The following RBPJ variants were observed in gnomAD, a reference collection of about 807,000 sequenced individuals.
RBPJ encodes recombination signal binding protein for immunoglobulin kappa J region.
A neutral mutation model predicts 67.8 loss-of-function variants in RBPJ; 9 were observed. The observed-to-expected ratio is 0.13, with a 90% CI of 0.08 to 0.23. The LOEUF (loss-of-function observed/expected upper bound fraction) is 0.23. RBPJ is among the 10% of genes least tolerant of loss of function. The pLI, the probability that RBPJ is intolerant of heterozygous loss-of-function variation, is 1.00. For synonymous variants in RBPJ, 198 were observed against 203.3 expected (o/e 0.97, Z 0.22); for missense variants, 305 against 595.6 (o/e 0.51, Z 5.08).
chr4:26,292,511 C>T (rs1238069749), intron 1 of RBPJ, among the ~76,000 whole-genome samples: 1 of 150,296 alleles, frequency 6.7e-6, no homozygotes, highest in Non-Finnish European at 1.5e-5. Flanking sequence ...ACCTCTGCCT[C>T]CCGGGTTCAA....
rs191906888 is a variant in RBPJ at position 26,424,255 on chromosome 4, A to T, written c.497-87A>T. On this transcript the variant is annotated intron_variant, in intron 5 of 10. Transcript: ENST00000355476. This position sits in a 1 kb window ranked among gnomAD's most constrained non-coding sequence, Gnocchi z 5.3. ...TGTTAAATGATAAGAAAGAATAATT[A>T]TACACTGCCAAGCAGAATTTCCTTC... The T allele has an allele frequency of 2.4e-4, 302 of 1,245,042 alleles. No individual in the cohort carries two copies. The highest frequency in any genetic ancestry group is 9.0e-4 in the Admixed American group (47 of 52,454). The allele number at this position is 1,245,042 out of a possible 1,614,324, so 77.1% of individuals were successfully genotyped here.
chr4:26,204,700 T>C (rs1419725818), intron 1 of RBPJ, among the ~76,000 whole-genome samples: 1 of 152,208 alleles, frequency 6.6e-6, no homozygotes, highest in African/African-American at 2.4e-5. Flanking sequence ...AGCTATGAGA[T>C]GTCTGGCCTC....
At chr4:26,325,249 C>T (rs944660321) in intron 1 of RBPJ, among the ~76,000 whole-genome samples, 14 of 152,200 alleles carry the variant, frequency 9.2e-5, no homozygotes, top group African/African-American at 2.4e-4. Context: ...TGTCATTTCT[C>T]ACCTGGTTTA....
intron 1 of RBPJ, among the ~76,000 whole-genome samples, chr4:26,196,570 G>A (rs747100856): frequency 2.6e-5 from 4 of 152,152 alleles, no homozygotes; most frequent in South Asian, 2.1e-4. Flanking sequence ...ATCTACATTC[G>A]ATAGATCTGC....
chr4:26,163,714 T>C (rs756258738), intron 1 of RBPJ: 25 of 152,262 alleles, frequency 1.6e-4, no homozygotes, highest in Non-Finnish European at 3.2e-4. Flanking sequence ...TGCTTTTTGC[T>C]ACTGCCACCT....
At chr4:26,133,611 T>C in the RBPJ span, among the ~76,000 whole-genome samples, 1 of 152,196 alleles carries the variant, frequency 6.6e-6, no homozygotes, top group Admixed American at 6.5e-5. Context: ...GCAGTGGTAT[T>C]AGATTCTGAT....
chr4:26,295,068 A>AATGGGTT (rs910503793), intron 1 of RBPJ, among the ~76,000 whole-genome samples: 3 of 152,108 alleles, frequency 2.0e-5, no homozygotes, highest in African/African-American at 7.2e-5. Flanking sequence ...CCTCTGGATT[A>AATGGGTT]ATGGGTTTTG....
rs914870940 is a variant in RBPJ at position 26,256,243 on chromosome 4, C to T, written c.-167+92629C>T. Among the ~76,000 whole-genome samples, 83 of 152,088 alleles carry T rather than the reference C, an allele frequency of 5.5e-4. 1 individual carries two copies. The highest frequency in any genetic ancestry group is 4.4e-5 in the Non-Finnish European group (3 of 67,994). ...CTCCTCTGCCAAGCCACAGCCCCAC[C>T]CTGCCTTTGGAAATAGAAATGGAAT... On this transcript the variant is annotated intron_variant, in intron 1 of 4. Transcript: ENST00000512351.
At chr4:26,393,095 C>G (rs2109672232) in intron 2 of RBPJ, among the ~76,000 whole-genome samples, 1 of 152,262 alleles carries the variant, frequency 6.6e-6, no homozygotes. Flanking sequence ...GATCCGCCTG[C>G]CTTGGCTTCC....
At chr4:26,317,591 G>C (rs1722698016), upstream of RBPJ, among the ~76,000 whole-genome samples, 1 of 152,172 alleles carries the variant, frequency 6.6e-6, no homozygotes, top group Non-Finnish European at 1.5e-5. Flanking sequence ...AACGGAAGAA[G>C]GGAGGACCAG....
At chr4:26,239,775 G>C (rs913578629) in intron 1 of RBPJ, among the ~76,000 whole-genome samples, 2 of 152,074 alleles carry the variant, frequency 1.3e-5, no homozygotes, top group African/African-American at 4.8e-5. Context: ...GACCTGGGTA[G>C]AGTTAAACTT....
chr4:26,120,972 G>A, the RBPJ span, among the ~76,000 whole-genome samples: 861 of 151,736 alleles, frequency 5.7e-3, 8 homozygotes, highest in African/African-American at 0.02. Flanking sequence ...GAAAGGAGAG[G>A]GAGAGGCAGA....
At chr4:26,239,262 G>A (rs796564413) in intron 1 of RBPJ, among the ~76,000 whole-genome samples, 4 of 152,248 alleles carry the variant, frequency 2.6e-5, no homozygotes, top group African/African-American at 9.6e-5. Context: ...ATATTTTCCA[G>A]ATCACTCAAA....
chr4:26,310,348 A>G (rs1382530153), intron 1 of RBPJ, among the ~76,000 whole-genome samples: 2 of 152,204 alleles, frequency 1.3e-5, no homozygotes, highest in Admixed American at 1.3e-4. Context: ...TATGAATATA[A>G]GAGAACCATA....
At chr4:26,215,218 A>G (rs1245043429) in intron 1 of RBPJ, among the ~76,000 whole-genome samples, 327 of 23,760 alleles carry the variant, frequency 0.014, 28 homozygotes, top group African/African-American at 0.061. Context: ...AAGAAAGAGA[A>G]AAAGAGAGAA....
chr4:26,366,355 T>G (rs1728626182), intron 1 of RBPJ, among the ~76,000 whole-genome samples: 1 of 152,192 alleles, frequency 6.6e-6, no homozygotes, highest in African/African-American at 2.4e-5. Flanking sequence ...TTGGTTTTGT[T>G]TTTTTGTTGC....
chr4:26,124,174 C>T, the RBPJ span, among the ~76,000 whole-genome samples: 1 of 151,642 alleles, frequency 6.6e-6, no homozygotes. Flanking sequence ...ACCCTGCACA[C>T]TATTTGTAGT....
intron 1 of RBPJ, among the ~76,000 whole-genome samples, chr4:26,294,875 CA>C (rs58086685): frequency 0.098 from 11,836 of 120,576 alleles, 1,390 homozygotes; most frequent in African/African-American, 0.3. Flanking sequence ...GACTCCGTCT[CA>C]AAAAAAAAAA....
chr4:26,244,898 T>C (rs968808566), intron 1 of RBPJ, among the ~76,000 whole-genome samples: 11 of 152,052 alleles, frequency 7.2e-5, no homozygotes, highest in African/African-American at 2.7e-4. Context: ...CCTCGCAAAG[T>C]GCTAGGATTA....
Sources: allele counts gnomAD v4.1 joint callset (sites outside exome capture counted in the v4.1 genomes callset), GRCh38; gene constraint gnomAD v4.1.1; non-coding constraint Gnocchi (gnomAD v3.1); transcripts MANE v1.5; gene names NCBI Gene and HGNC (gene_info 2026-07-23, HGNC 2026-07-21).